ANKMY1: variants seen among roughly 807,000 people sequenced by gnomAD.
ANKMY1 encodes ankyrin repeat and MYND domain-containing protein 1.
A neutral mutation model predicts 102.0 loss-of-function variants in ANKMY1; 98 were observed. That is an observed-to-expected ratio of 0.96 (90% CI 0.82 to 1.14). ANKMY1 has a LOEUF of 1.14. Ranked by LOEUF, ANKMY1 falls within the 50% of genes most tolerant of loss-of-function variation. ANKMY1 has a pLI of 0.00. For missense variants in ANKMY1, 1,330 were observed against 1,347.6 expected (o/e 0.99, Z 0.20); for synonymous variants, 582 against 559.9 (o/e 1.04, Z -0.56).
chr2:240,555,486 C>A (rs2092223623), intron 2 of ANKMY1: 1 of 190,986 alleles, frequency 5.2e-6, no homozygotes, highest in Non-Finnish European at 1.1e-5. Flanking sequence ...CACATGTGGA[C>A]CCATGGAAGG....
chr2:240,482,283 A>G (rs1277796840), intron 15 of ANKMY1, 22 bp from the exon 16 acceptor site: 1 of 1,600,900 alleles, frequency 6.2e-7, no homozygotes, highest in Admixed American at 1.7e-5. Flanking sequence ...AGGGTCCCGC[A>G]TTAGTACCCA....
intron 15 of ANKMY1, among the ~76,000 whole-genome samples, chr2:240,485,840 G>GGCTAGGC (rs2076002195): frequency 1.3e-5 from 2 of 152,222 alleles, no homozygotes; most frequent in Non-Finnish European, 2.9e-5. Flanking sequence ...TAATTCTTCT[G>GGCTAGGC]CCTTAGCCTC....
In ANKMY1 at chr2:240,507,458, C is replaced by T. The variant is rs534823319; in HGVS notation, c.2526+102G>A. On this transcript the variant is annotated intron_variant, in intron 13 of 17. Coordinates refer to ENST00000401804, the MANE Select transcript of ANKMY1 (RefSeq NM_001282771.3). ...CTCACCCAGGGCCACCCACTCCCCT[C>T]CCCGCTCATCAGGGCCACCCAGCCC... 530 of 1,379,262 alleles carry T rather than the reference C, an allele frequency of 3.8e-4. 1 individual carries two copies. The African/African-American group carries it at 6.8e-3, about 18-fold the overall frequency. 85.4% of individuals were successfully genotyped at this position (1,379,262 alleles called of 1,614,324 possible).
rs2092066164 is a variant in ANKMY1 at position 240,554,630 on chromosome 2, T to A, written c.336+236A>T. ...AACGTCTGCCCAGAATAAGAACTTATCTTCTTAAGTCACAGCTTCCCAAAC... is the reference window on the plus strand; with the variant it reads ...AACGTCTGCCCAGAATAAGAACTTAACTTCTTAAGTCACAGCTTCCCAAAC... On this transcript the variant is annotated intron_variant, in intron 3 of 17. Transcript: ENST00000401804. 4 of 512,600 alleles carry A rather than the reference T, an allele frequency of 7.8e-6. No individual in the cohort carries two copies. In the Admixed American group the frequency reaches 1.3e-4, roughly 16 times the overall value. The allele number at this position is 512,600 out of a possible 1,614,324, so 31.8% of individuals were successfully genotyped here.
At chr2:240,511,785 C>T (rs1311093492) in intron 11 of ANKMY1, 76 bp downstream of exon 11, 23 of 1,477,608 alleles carry the variant, frequency 1.6e-5, no homozygotes, top group Middle Eastern at 2.5e-4. Flanking sequence ...CACATGCTTC[C>T]GGGGGCACAA....
In ANKMY1 at chr2:240,500,074, C is replaced by T. The variant is rs137975682; in HGVS notation, c.2690G>A (p.Arg897His). The T allele has an allele frequency of 3.4e-5, 55 of 1,611,144 alleles. No homozygotes were observed. Among genetic ancestry groups the T allele is most frequent in the East Asian group, 3.1e-4 (14 of 44,804 alleles). The change falls in exon 15 of 18, where the codon CGC (arginine) becomes CAC (histidine). Residue 897 changes from arginine (R) to histidine (H), a missense_variant. Physicochemically the swap from Arg to His is conservative, Grantham distance 29. Coordinates refer to ENST00000401804, the MANE Select transcript of ANKMY1 (RefSeq NM_001282771.3). ...CCGCTTCCGCGCCAGGAACGTCTCG[C>T]GCTCTGCTGGCATCAGCGTGTGGAA... ...CPFHTLMPAE[R>H]ETFLARKRLL...
the ANKMY1 span, among the ~76,000 whole-genome samples, chr2:240,469,936 C>T: frequency 2.0e-5 from 3 of 152,108 alleles, no homozygotes; most frequent in Non-Finnish European, 4.4e-5. Flanking sequence ...GTACACATGC[C>T]CATACACATG....
At chr2:240,546,798 CAAG>C (rs2090477071) in intron 4 of ANKMY1, among the ~76,000 whole-genome samples, 1 of 152,238 alleles carries the variant, frequency 6.6e-6, no homozygotes, top group Admixed American at 6.5e-5. Flanking sequence ...ATCAATTCGA[CAAG>C]AAGAGCTAAC....
intron 1 of ANKMY1, 75 bp from the exon 2 acceptor site, chr2:240,557,427 C>G: frequency 2.1e-6 from 3 of 1,396,074 alleles, no homozygotes; most frequent in South Asian, 3.3e-5. Context: ...CGAGGCCCGG[C>G]CCGCGGCCCC....
chr2:240,525,739 G>A lies in ANKMY1; in HGVS notation c.1281C>T (p.Tyr427=). The change falls in exon 7 of 18, where the codon TAC becomes TAT. Residue 427 remains tyrosine (Y), a synonymous_variant. Transcript: ENST00000401804. ...CATTGGGCTTGAAGGACTGGGCGGG[G>A]TAGTGGAGGAGGAAACACATGCTGA... is the stretch of plus-strand genomic sequence containing the variant. ...TALSMCFLLH[Y]PAQSFKPNVA... The A allele has an allele frequency of 6.2e-7, 1 of 1,614,166 alleles. No homozygotes were observed. Among genetic ancestry groups the A allele is most frequent in the Non-Finnish European group, 8.5e-7 (1 of 1,180,016 alleles).
chr2:240,487,620 C>T (rs1285492593), intron 15 of ANKMY1, among the ~76,000 whole-genome samples: 1 of 150,864 alleles, frequency 6.6e-6, no homozygotes, highest in Admixed American at 6.6e-5. Context: ...CCTTGGCATC[C>T]TTTCTACCGT....
chr2:240,473,110 G>C, the ANKMY1 span, among the ~76,000 whole-genome samples: 6 of 123,652 alleles, frequency 4.9e-5, no homozygotes, highest in Non-Finnish European at 6.5e-5. Flanking sequence ...GGCGACAAGA[G>C]TGAAACTCTG....
chr2:240,472,304 C>CGCG, the ANKMY1 span, among the ~76,000 whole-genome samples: 3 of 151,768 alleles, frequency 2.0e-5, no homozygotes, highest in African/African-American at 4.8e-5. Flanking sequence ...TACAACTGCA[C>CGCG]AGGCTGAAGG....
At chr2:240,539,778 C>CT (rs1475416822) in intron 4 of ANKMY1, among the ~76,000 whole-genome samples, 1 of 152,194 alleles carries the variant, frequency 6.6e-6, no homozygotes, top group African/African-American at 2.4e-5. Flanking sequence ...TCATTGTAAA[C>CT]TAAAAGTAAG....
chr2:240,496,247 A>G (rs1002803016), intron 15 of ANKMY1, among the ~76,000 whole-genome samples: 27 of 152,270 alleles, frequency 1.8e-4, no homozygotes, highest in African/African-American at 5.8e-4. Flanking sequence ...TAAGCTTCCT[A>G]GATAGATAAA....
In ANKMY1 at chr2:240,512,801, C is replaced by T. The variant is rs753213353; in HGVS notation, c.2145+1G>A. 2.5e-6 allele frequency: 4 copies of T among 1,613,496 alleles called. No individual in the cohort carries two copies. Among genetic ancestry groups the T allele is most frequent in the Non-Finnish European group, 3.4e-6 (4 of 1,179,742 alleles). ...CCCTATCCAGGTCGCGAGGTACACACCTTGCCGGGCTTGTAAGTGTCGTCC... is the reference window on the plus strand; with the variant it reads ...CCCTATCCAGGTCGCGAGGTACACATCTTGCCGGGCTTGTAAGTGTCGTCC... On this transcript the variant is annotated splice_donor_variant, in intron 10 of 17. Transcript: ENST00000401804. LOFTEE classifies it high-confidence loss of function.
intron 13 of ANKMY1, among the ~76,000 whole-genome samples, chr2:240,504,728 C>T (rs1046302316): frequency 5.3e-5 from 8 of 152,146 alleles, no homozygotes; most frequent in Admixed American, 6.5e-5. Context: ...ATGAGAAGGC[C>T]GGGTGTGGTG....
intron 4 of ANKMY1, among the ~76,000 whole-genome samples, chr2:240,540,748 G>A (rs1197276739): frequency 1.3e-5 from 2 of 152,198 alleles, no homozygotes; most frequent in East Asian, 3.9e-4. Context: ...AGGGTGAGCA[G>A]CAGGACCTAG....
At chr2:240,559,863 C>CTA, upstream of ANKMY1, among the ~76,000 whole-genome samples, 1 of 152,342 alleles carries the variant, frequency 6.6e-6, no homozygotes, top group East Asian at 1.9e-4. Context: ...ACTGAAACTT[C>CTA]AATTGCTAAA....
Sources: allele counts gnomAD v4.1 joint callset (sites outside exome capture counted in the v4.1 genomes callset), GRCh38; gene constraint gnomAD v4.1.1; transcripts MANE v1.5; gene names NCBI Gene and HGNC (gene_info 2026-07-23, HGNC 2026-07-21).